Variants in MYH16 observed in about 807,000 individuals in gnomAD.
MYH16 encodes the protein myosin heavy chain 16.
At chr7:99,288,251 G>A (rs1215043882) in intron 29 of MYH16, 114 bp downstream of exon 10, 1 of 402,996 alleles carries the variant, frequency 2.5e-6, no homozygotes, top group East Asian at 7.2e-5. Flanking sequence ...GGACCAGCCT[G>A]GACAACATAG....
At chr7:99,258,309 G>A (rs1563103941) in exon 11 of MYH16, 1 of 154,014 alleles carries the variant, frequency 6.5e-6, no homozygotes, top group Non-Finnish European at 1.5e-5. Flanking sequence ...TGGTGGCCAG[G>A]ATTAACAAGA....
intron 1 of MYH16, among the ~76,000 whole-genome samples, chr7:99,239,212 G>A (rs1393145825): frequency 2.0e-5 from 3 of 152,166 alleles, no homozygotes; most frequent in Admixed American, 6.5e-5. Flanking sequence ...TGGGCAAGAC[G>A]CATTCCCTCT....
At chr7:99,277,141 G>A (rs1792125468) in intron 20 of MYH16, among the ~76,000 whole-genome samples, 1 of 152,102 alleles carries the variant, frequency 6.6e-6, no homozygotes, top group African/African-American at 2.4e-5. Flanking sequence ...AGCCAGAGGT[G>A]GGAGGACTCA....
chr7:99,285,271 G>C, intron 26 of MYH16, 111 bp from the exon 9 acceptor site: 1 of 426,514 alleles, frequency 2.3e-6, no homozygotes, highest in Non-Finnish European at 4.7e-6. Context: ...CTCTGCTTTT[G>C]ACAGTGGCTG....
At chr7:99,279,139 C>T (rs1418915527) in intron 21 of MYH16, among the ~76,000 whole-genome samples, 1 of 151,950 alleles carries the variant, frequency 6.6e-6, no homozygotes, top group Non-Finnish European at 1.5e-5. Context: ...TGCAGTGAGC[C>T]ATGATTGTGC....
chr7:99,285,343 C>A (rs188727346), intron 26 of MYH16, 39 bp from the exon 9 acceptor site: 39 of 456,226 alleles, frequency 8.5e-5, no homozygotes, highest in African/African-American at 7.6e-4. Context: ...ACTAACTTTG[C>A]CTGGCAGAGA....
At chr7:99,250,784 C>T (rs1038307806) in intron 5 of MYH16, among the ~76,000 whole-genome samples, 1 of 151,922 alleles carries the variant, frequency 6.6e-6, no homozygotes, top group Non-Finnish European at 1.5e-5. Context: ...TCAGACTGCT[C>T]AGGGGGCTCT....
chr7:99,270,535 T>C (rs1792034562), intron 18 of MYH16, among the ~76,000 whole-genome samples: 1 of 151,444 alleles, frequency 6.6e-6, no homozygotes, highest in African/African-American at 2.4e-5. Flanking sequence ...GCCAGGATGG[T>C]CTCGATCTCC....
At chr7:99,248,660 C>T (rs756287009) in intron 3 of MYH16, among the ~76,000 whole-genome samples, 1 of 152,236 alleles carries the variant, frequency 6.6e-6, no homozygotes, top group Non-Finnish European at 1.5e-5. Flanking sequence ...GCTGGGATTA[C>T]AGGCATGAGT....
At chr7:99,279,176 G>A (rs1345088448) in intron 21 of MYH16, among the ~76,000 whole-genome samples, 12 of 151,954 alleles carry the variant, frequency 7.9e-5, no homozygotes, top group African/African-American at 2.9e-4. Flanking sequence ...GGGTGACAGA[G>A]TGAGACTCTG....
chr7:99,273,201 A>G (rs998267883), intron 19 of MYH16, 124 bp downstream of exon 1: 10 of 399,062 alleles, frequency 2.5e-5, no homozygotes, highest in African/African-American at 2.1e-4. Context: ...CACATGGGCA[A>G]TGCTGGGTCT....
chr7:99,305,201 A>G (rs948064339), intron 40 of MYH16, among the ~76,000 whole-genome samples: 2 of 151,762 alleles, frequency 1.3e-5, no homozygotes, highest in African/African-American at 4.8e-5. Context: ...AAAAAAAGAG[A>G]AAAGAAGGAA....
Position 99,279,629 on chromosome 7 carries a change from G to A in MYH16, n.2779G>A, listed in dbSNP as rs770366342. 7.7e-5 allele frequency: 35 copies of A among 456,628 alleles called. 1 individual carries two copies. The highest frequency in any genetic ancestry group is 5.0e-4 in the South Asian group (32 of 64,560). 28.3% of individuals were successfully genotyped at this position (456,628 alleles called of 1,614,324 possible). A position where few individuals can be genotyped will look rare whatever the true frequency, so the allele number is the denominator to read the frequency against. Reference sequence around the variant, plus strand: ...GGCTGGAGGAGGAAGAGGGCATGGCGGCCTCACTGAGTGCCGCCAAGCGCA... The same window carrying A: ...GGCTGGAGGAGGAAGAGGGCATGGCAGCCTCACTGAGTGCCGCCAAGCGCA... On this transcript the variant is annotated non_coding_transcript_exon_variant, in exon 22 of 42. Coordinates refer to ENST00000439784, the Ensembl canonical transcript of MYH16.
intron 37 of MYH16, among the ~76,000 whole-genome samples, chr7:99,300,899 G>A (rs1792582357): frequency 6.6e-6 from 1 of 152,044 alleles, no homozygotes; most frequent in Non-Finnish European, 1.5e-5. Flanking sequence ...GTCCTATGGA[G>A]AAATAAGAGG....
At chr7:99,247,217 G>A (rs1215700542) in intron 2 of MYH16, among the ~76,000 whole-genome samples, 1 of 152,222 alleles carries the variant, frequency 6.6e-6, no homozygotes, top group Non-Finnish European at 1.5e-5. Flanking sequence ...CTGTTGCCCA[G>A]GCTGGAGTAC....
intron 19 of MYH16, among the ~76,000 whole-genome samples, chr7:99,272,487 C>T (rs1792058642): frequency 6.6e-6 from 1 of 152,040 alleles, no homozygotes; most frequent in Non-Finnish European, 1.5e-5. Context: ...CCTGTAATCC[C>T]AGCACTTTGA....
intron 2 of MYH16, among the ~76,000 whole-genome samples, chr7:99,245,633 T>C (rs1415541220): frequency 6.6e-6 from 1 of 152,170 alleles, no homozygotes; most frequent in Non-Finnish European, 1.5e-5. Flanking sequence ...GTTCAAGGGA[T>C]TCTCCTGCCT....
chr7:99,291,386 G>T, exon 31 of MYH16: 1 of 456,612 alleles, frequency 2.2e-6, no homozygotes, highest in Non-Finnish European at 4.4e-6. Flanking sequence ...CAAATCCTAC[G>T]GATAAAGACA....
chr7:99,282,504 GCT>G (rs1329883894), intron 23 of MYH16, among the ~76,000 whole-genome samples: 30 of 151,340 alleles, frequency 2.0e-4, no homozygotes, highest in African/African-American at 5.1e-4. Flanking sequence ...ACAGGGTCTA[GCT>G]CTGTCACCAA....
Sources: allele counts gnomAD v4.1 joint callset (sites outside exome capture counted in the v4.1 genomes callset), GRCh38; gene constraint gnomAD v4.1.1; transcripts MANE v1.5; gene names NCBI Gene and HGNC (gene_info 2026-07-23, HGNC 2026-07-21).